Variants in EXTL3 observed in about 807,000 individuals in gnomAD.
The protein encoded by EXTL3 is exostosin-like 3.
Under a neutral mutation model 69.3 loss-of-function variants are expected in EXTL3, and 27 were observed. That is an observed-to-expected ratio of 0.39 (90% CI 0.29 to 0.54). The LOEUF (loss-of-function observed/expected upper bound fraction) is 0.54. Ranked by LOEUF, EXTL3 falls within the 20% of genes least tolerant of loss-of-function variation. The pLI is 0.69. For missense variants in EXTL3, 1,003 were observed against 1,231.8 expected (o/e 0.81, Z 2.78); for synonymous variants, 511 against 499.4 (o/e 1.02, Z -0.31).
At chr8:28,708,536 G>A (rs1800969406) in intron 1 of EXTL3, among the ~76,000 whole-genome samples, 1 of 149,850 alleles carries the variant, frequency 6.7e-6, no homozygotes, top group Non-Finnish European at 1.5e-5. Flanking sequence ...GTACTGTCTT[G>A]CCTTGACAGG....
chr8:28,718,699 G>A (rs1009542263), intron 3 of EXTL3, among the ~76,000 whole-genome samples: 4 of 152,210 alleles, frequency 2.6e-5, no homozygotes, highest in South Asian at 2.1e-4. Context: ...GATTCCAGAA[G>A]CGGCAGCTTT....
chr8:28,648,008 A>G (rs1014081097), intron 1 of EXTL3, among the ~76,000 whole-genome samples: 2 of 152,014 alleles, frequency 1.3e-5, no homozygotes, highest in Non-Finnish European at 2.9e-5. Flanking sequence ...GATGCTGGTC[A>G]TGCTACCTGG....
At chr8:28,646,815 A>T (rs566433515) in intron 1 of EXTL3, among the ~76,000 whole-genome samples, 1 of 152,228 alleles carries the variant, frequency 6.6e-6, no homozygotes, top group East Asian at 1.9e-4. Flanking sequence ...GTATGAATAC[A>T]TAATTGTTGT....
intron 1 of EXTL3, among the ~76,000 whole-genome samples, chr8:28,660,497 CAT>C (rs546456539): frequency 6.6e-6 from 1 of 151,754 alleles, no homozygotes; most frequent in Non-Finnish European, 1.5e-5. Context: ...TACACACAGA[CAT>C]ATATATATAC....
chr8:28,677,283 C>G (rs1467675924), intron 1 of EXTL3, among the ~76,000 whole-genome samples: 1 of 151,974 alleles, frequency 6.6e-6, no homozygotes, highest in Non-Finnish European at 1.5e-5. Context: ...TTGTCACTTC[C>G]CGTCCTTTTA....
intron 1 of EXTL3, among the ~76,000 whole-genome samples, chr8:28,632,249 A>T (rs1434458555): frequency 6.6e-6 from 1 of 151,984 alleles, no homozygotes; most frequent in Non-Finnish European, 1.5e-5. Context: ...TCTACTAAAA[A>T]TACAAAAATT....
chr8:28,640,893 C>A (rs569318942), intron 1 of EXTL3, among the ~76,000 whole-genome samples: 3 of 152,340 alleles, frequency 2.0e-5, no homozygotes, highest in Non-Finnish European at 2.9e-5. Flanking sequence ...TGAGCCACTA[C>A]GCCCAGCTGT....
At chr8:28,733,373 T>G (rs1024223124) in intron 4 of EXTL3, among the ~76,000 whole-genome samples, 17 of 151,986 alleles carry the variant, frequency 1.1e-4, no homozygotes. Flanking sequence ...ATTTTATATA[T>G]AAATGTGTGT....
At chr8:28,713,664 A>T in intron 2 of EXTL3, 114 bp downstream of exon 2, 1 of 636,290 alleles carries the variant, frequency 1.6e-6, no homozygotes, top group Non-Finnish European at 2.8e-6. Context: ...GATTCTTTTG[A>T]AAGCAAGAGA....
chr8:28,703,463 GCAAGTCC>G (rs1800854991), intron 1 of EXTL3, among the ~76,000 whole-genome samples: 1 of 152,148 alleles, frequency 6.6e-6, no homozygotes, highest in Admixed American at 6.5e-5. Flanking sequence ...AGGAGAGAGG[GCAAGTCC>G]AGAGGGTGGT....
chr8:28,726,539 ACT>A (rs1267190154), intron 3 of EXTL3, among the ~76,000 whole-genome samples: 1 of 151,848 alleles, frequency 6.6e-6, no homozygotes, highest in Non-Finnish European at 1.5e-5. Context: ...CTGCAGGTTG[ACT>A]CTAAATCAGG....
At chr8:28,646,294 AC>A (rs1806829202) in intron 1 of EXTL3, among the ~76,000 whole-genome samples, 7 of 152,240 alleles carry the variant, frequency 4.6e-5, no homozygotes, top group Admixed American at 4.6e-4. Context: ...GTGAAAAGGA[AC>A]ACATTTCTTT....
chr8:28,717,839 A>G lies in EXTL3; in HGVS notation c.1780A>G (p.Thr594Ala), dbSNP rs1194053576. Residue 594 changes from threonine to alanine, a missense_variant, in exon 3 of 7, where the codon ACT becomes GCT. Thr to Ala is a moderately conservative substitution (Grantham distance 58). Coordinates refer to ENST00000220562, the MANE Select transcript of EXTL3 (RefSeq NM_001440.4). The surrounding 1 kb of genome is among the most constrained non-coding windows in gnomAD (Gnocchi z 8.3). Reference protein sequence around the residue: ...YASPRYLRNFTLTVTDFYRSW... With the variant: ...YASPRYLRNFALTVTDFYRSW... ...CTCACCCAGATACCTCCGCAATTTCACTCTGACTGTCACTGACTTTTACCG... is the reference window on the plus strand; with the variant it reads ...CTCACCCAGATACCTCCGCAATTTCGCTCTGACTGTCACTGACTTTTACCG... 6.2e-7 allele frequency: 1 copy of G among 1,611,102 alleles called. No homozygotes were observed. The highest frequency in any genetic ancestry group is 2.2e-5 in the East Asian group (1 of 44,784).
intron 1 of EXTL3, among the ~76,000 whole-genome samples, chr8:28,667,286 A>C (rs952880517): frequency 6.6e-6 from 1 of 152,212 alleles, no homozygotes; most frequent in African/African-American, 2.4e-5. Context: ...AATGCAAGGA[A>C]CTTGGTAAAG....
intron 1 of EXTL3, among the ~76,000 whole-genome samples, chr8:28,681,063 A>T (rs903182506): frequency 6.6e-6 from 1 of 151,726 alleles, no homozygotes. Flanking sequence ...TTTTTAGTAG[A>T]GACGGTTTCA....
At chr8:28,692,781 C>A (rs971629185) in intron 1 of EXTL3, among the ~76,000 whole-genome samples, 2 of 152,138 alleles carry the variant, frequency 1.3e-5, no homozygotes, top group African/African-American at 4.8e-5. Flanking sequence ...TTTTTTGAAT[C>A]TATGAATAAC....
rs529595316 is a variant in EXTL3, at chr8:28,690,816, G to A, written c.-52-22641G>A. 1.1e-4 allele frequency among the ~76,000 whole-genome samples: 16 copies of A among 152,300 alleles called. No homozygotes were observed. In the East Asian group the frequency reaches 2.3e-3, roughly 22 times the overall value. On this transcript the variant is annotated intron_variant, in intron 1 of 6. Coordinates refer to the EXTL3 transcript ENST00000523149. Reference sequence around the variant, plus strand: ...TGCCTTGTGTCGTTTAATCCTGGGAGTGACATACCTTCACTTTTGCTGTGT... The same window carrying A: ...TGCCTTGTGTCGTTTAATCCTGGGAATGACATACCTTCACTTTTGCTGTGT...
intron 1 of EXTL3, among the ~76,000 whole-genome samples, chr8:28,655,066 A>G (rs1224179724): frequency 6.6e-6 from 1 of 152,238 alleles, no homozygotes; most frequent in African/African-American, 2.4e-5. Flanking sequence ...GGTTAGCATG[A>G]GGCCTCTGAT....
At chr8:28,729,292 C>CAAAAAAAA (rs72487306) in intron 3 of EXTL3, among the ~76,000 whole-genome samples, 2 of 74,050 alleles carry the variant, frequency 2.7e-5, no homozygotes, top group African/African-American at 5.9e-5. Flanking sequence ...GACTCTATCT[C>CAAAAAAAA]AAAAAAAAAA....
Sources: allele counts gnomAD v4.1 joint callset (sites outside exome capture counted in the v4.1 genomes callset), GRCh38; gene constraint gnomAD v4.1.1; non-coding constraint Gnocchi (gnomAD v3.1); transcripts MANE v1.5; gene names NCBI Gene and HGNC (gene_info 2026-07-23, HGNC 2026-07-21).